The following BLOC1S1 variants were observed in gnomAD, a reference collection of about 807,000 sequenced individuals.
The protein encoded by BLOC1S1 is biogenesis of lysosome-related organelles complex 1 subunit 1.
BLOC1S1 carries 11 observed loss-of-function variants against 19.0 expected under a neutral mutation model. The observed-to-expected ratio is 0.58, with a 90% CI of 0.37 to 0.96. BLOC1S1 has a LOEUF of 0.96. Among genes scored for constraint, BLOC1S1 ranks in the 40% least tolerant of loss-of-function variants. The pLI is 0.01. For missense variants in BLOC1S1, 220 were observed against 195.9 expected (o/e 1.12, Z -0.73); for synonymous variants, 94 against 76.4 (o/e 1.23, Z -1.20).
intron 1 of BLOC1S1, chr12:55,716,530 G>A (rs927370648): frequency 2.4e-6 from 3 of 1,237,566 alleles, no homozygotes; most frequent in East Asian, 9.3e-5. Context: ...GGAGGGAGGA[G>A]GGTGTGGGGA....
chr12:55,719,611 C>T lies in BLOC1S1; in HGVS notation c.*2C>T, dbSNP rs754730904. The T allele has an allele frequency of 2.5e-6, 4 of 1,613,212 alleles. No homozygotes were observed. The highest frequency in any genetic ancestry group is 3.4e-6 in the Non-Finnish European group (4 of 1,179,430). On this transcript the variant is annotated 3_prime_UTR_variant, in exon 4 of 4. Transcript: ENST00000548925. ...CAGCTGCAGTCTGCCCCTTCCTAGC[C>T]CCTGTTCCCTCCCCCAACCCTATCC...
Position 55,716,064 on chromosome 12 carries a change from A to T in BLOC1S1, c.13A>T (p.Ser5Cys), listed in dbSNP as rs569048037. Residue 5 changes from serine to cysteine, a missense_variant, in exon 1 of 4, where the codon AGC becomes TGC. Physicochemically the swap from Ser to Cys is moderately radical, Grantham distance 112. Coordinates refer to ENST00000548925, the MANE Select transcript of BLOC1S1 (RefSeq NM_001487.4). ...GCGGTCACGTGACATGGCCCCGGGGAGCCGAGGTGAGCGTTCCAGCTTCCG... is the reference window on the plus strand; with the variant it reads ...GCGGTCACGTGACATGGCCCCGGGGTGCCGAGGTGAGCGTTCCAGCTTCCG... MAPG[S>C]RGERSSFRSR... 2 of 1,562,216 alleles carry T rather than the reference A, an allele frequency of 1.3e-6. No individual in the cohort carries two copies. Among genetic ancestry groups the T allele is most frequent in the Admixed American group, 3.8e-5 (2 of 51,990 alleles).
At chr12:55,717,097 G>A (rs1876617435) in intron 2 of BLOC1S1, 92 bp downstream of exon 2, 1 of 1,063,092 alleles carries the variant, frequency 9.4e-7, no homozygotes, top group Non-Finnish European at 1.3e-6. Context: ...GCTGTTGAAG[G>A]GGTGGGATGT....
In BLOC1S1 at chr12:55,719,675, A is replaced by G; in HGVS notation, c.*66A>G. ...CGCAGGGGGAAGGAGGGAGGCTGAC[A>G]AGCCTTGAATAAAACACAAGCCTCC... On this transcript the variant is annotated 3_prime_UTR_variant, in exon 4 of 4. Coordinates refer to ENST00000548925, the MANE Select transcript of BLOC1S1 (RefSeq NM_001487.4). The G allele has an allele frequency of 7.3e-7, 1 of 1,362,998 alleles. No homozygotes were observed. Among genetic ancestry groups the G allele is most frequent in the South Asian group, 1.2e-5 (1 of 84,646 alleles). The allele number at this position is 1,362,998 out of a possible 1,614,324, so 84.4% of individuals were successfully genotyped here.
chr12:55,718,518 T>TGTGTGTG (rs1565652869), intron 2 of BLOC1S1, among the ~76,000 whole-genome samples: 6 of 125,360 alleles, frequency 4.8e-5, no homozygotes, highest in African/African-American at 2.1e-4. Flanking sequence ...GTGTGTGTGT[T>TGTGTGTG]TGTGTGTGTT....
At chr12:55,716,450 C>A in intron 1 of BLOC1S1, 1 of 1,348,448 alleles carries the variant, frequency 7.4e-7, no homozygotes, top group Non-Finnish European at 9.5e-7. Flanking sequence ...TTAGCCCCGC[C>A]CCTGCCCCGG....
In BLOC1S1 at chr12:55,719,653, A is replaced by G. The variant is rs1488513997; in HGVS notation, c.*44A>G. 2 of 1,509,158 alleles carry G rather than the reference A, an allele frequency of 1.3e-6. No homozygotes were observed. Among genetic ancestry groups the G allele is most frequent in the Non-Finnish European group, 1.8e-6 (2 of 1,087,806 alleles). 93.5% of individuals were successfully genotyped at this position (1,509,158 alleles called of 1,614,324 possible). On this transcript the variant is annotated 3_prime_UTR_variant, in exon 4 of 4. Transcript: ENST00000548925. ...ACCCTATCCCTCCTACCTCACCCGC[A>G]GGGGGAAGGAGGGAGGCTGACAAGC... is the stretch of plus-strand genomic sequence containing the variant.
chr12:55,717,049 G>A (rs1352979407), intron 2 of BLOC1S1, 44 bp downstream of exon 2: 4 of 1,523,312 alleles, frequency 2.6e-6, no homozygotes, highest in Non-Finnish European at 3.5e-6. Context: ...TCCCCACCCC[G>A]CCCAAGTTTA....
chr12:55,716,664 G>C, intron 1 of BLOC1S1: 1 of 1,287,714 alleles, frequency 7.8e-7, no homozygotes, highest in East Asian at 3.6e-5. Flanking sequence ...TGGAGAAAGA[G>C]TGCCTGGGAG....
chr12:55,717,907 A>C (rs1381137282), intron 2 of BLOC1S1, among the ~76,000 whole-genome samples: 3 of 152,176 alleles, frequency 2.0e-5, no homozygotes, highest in Non-Finnish European at 2.9e-5. Context: ...AGTCTGTTTC[A>C]GTTCCTACCC....
intron 1 of BLOC1S1, chr12:55,716,493 G>T (rs1443768985): frequency 1.6e-6 from 2 of 1,275,280 alleles, no homozygotes; most frequent in African/African-American, 1.6e-5. Flanking sequence ...GGAGCCTCTC[G>T]TCCTGGCGGC....
Position 55,716,999 on chromosome 12 carries a change from A to G in BLOC1S1, c.212A>G (p.Asn71Ser), listed in dbSNP as rs369298104. ...CLTEALVDHL[N>S]VGVAQAYMNQ... ...ACAGAAGCTTTGGTGGATCACCTCAATGTGGGGTATGGACCTCTTATCAAC... is the reference window on the plus strand; with the variant it reads ...ACAGAAGCTTTGGTGGATCACCTCAGTGTGGGGTATGGACCTCTTATCAAC... The change falls in exon 2 of 4, where the codon AAT becomes AGT. Residue 71 changes from asparagine to serine, a missense_variant. By Grantham distance (46) the Asn-to-Ser change is conservative. Coordinates refer to ENST00000548925, the MANE Select transcript of BLOC1S1 (RefSeq NM_001487.4). 6.3e-6 allele frequency: 10 copies of G among 1,595,930 alleles called. No homozygotes were observed. The highest frequency in any genetic ancestry group is 1.8e-5 in the Admixed American group (1 of 56,842).
At chr12:55,718,196 CTGTCAGG>C (rs1876717942) in intron 2 of BLOC1S1, among the ~76,000 whole-genome samples, 1 of 152,242 alleles carries the variant, frequency 6.6e-6, no homozygotes, top group Admixed American at 6.5e-5. Flanking sequence ...ATCTTGGCCC[CTGTCAGG>C]TGTCCTGCCC....
At chr12:55,716,614 G>A (rs1027095221) in intron 1 of BLOC1S1, 3 of 1,229,438 alleles carry the variant, frequency 2.4e-6, no homozygotes, top group Non-Finnish European at 3.0e-6. Flanking sequence ...CCTGAGTCCG[G>A]GCTGGAAATC....
chr12:55,719,143 C>G lies in BLOC1S1; in HGVS notation c.271C>G (p.Leu91Val). 1 of 1,613,902 alleles carries G rather than the reference C, an allele frequency of 6.2e-7. No homozygotes were observed. Among genetic ancestry groups the G allele is most frequent in the Non-Finnish European group, 8.5e-7 (1 of 1,179,990 alleles). ...QRKLDHEVKT[L>V]QVQAAQFAKQ... ...AAAGCTGGACCATGAGGTGAAGACC[C>G]TACAGGTCCAGGCTGCCCAATTTGC... is the stretch of plus-strand genomic sequence containing the variant. Residue 91 changes from leucine (L) to valine (V), a missense_variant, in exon 3 of 4, where the codon CTA (leucine) becomes GTA (valine). By Grantham distance (32) the Leu-to-Val change is conservative. Transcript: ENST00000548925.
chr12:55,716,111 A>ACCCAGCC lies in BLOC1S1; in HGVS notation c.69_75dup (p.Asp26ProfsTer20), dbSNP rs755852989. The stretch of plus-strand genomic sequence containing the variant: ...TCCGGAGCCGGAGGGGGCCCGGCGT[A>ACCCAGCC]CCCAGCCCCCAGCCCGACGTGACCA... On this transcript the variant is annotated frameshift_variant, in exon 1 of 4. Transcript: ENST00000548925. LOFTEE classifies it high-confidence loss of function. The ACCCAGCC allele has an allele frequency of 3.7e-6, 6 of 1,605,788 alleles. 1 individual carries two copies. The highest frequency in any genetic ancestry group is 3.3e-5 in the South Asian group (3 of 89,926).
rs763151517 is a variant in BLOC1S1 at position 55,716,913 on chromosome 12, C to T, written c.146-20C>T. On this transcript the variant is annotated intron_variant, in intron 1 of 3. Transcript: ENST00000548925. ...AAAAAACCAAGTCTCCCCTCCAATT[C>T]CTTTTCCCCCTCTCCCCAGAAAAGA... The T allele has an allele frequency of 3.8e-6, 6 of 1,578,022 alleles. 1 individual carries two copies. The South Asian group carries it at 5.9e-5, about 15-fold the overall frequency.
intron 1 of BLOC1S1, chr12:55,716,465 C>T (rs1039947595): frequency 1.5e-6 from 2 of 1,326,814 alleles, no homozygotes; most frequent in African/African-American, 1.5e-5. Flanking sequence ...CCCCGGAGCG[C>T]CCTGCCTATT....
chr12:55,716,143 C>G lies in BLOC1S1; in HGVS notation c.92C>G (p.Ser31Cys). 6.2e-7 allele frequency: 1 copy of G among 1,612,046 alleles called. No individual in the cohort carries two copies. Among genetic ancestry groups the G allele is most frequent in the Non-Finnish European group, 8.5e-7 (1 of 1,179,084 alleles). ...PSPQPDVTMLSRLLKEHQAKQ... is the reference protein window; with the variant it reads ...PSPQPDVTMLCRLLKEHQAKQ... ...CCCCAGCCCGACGTGACCATGCTGTCCCGCCTCCTAAAAGAACACCAGGCC... is the reference window on the plus strand; with the variant it reads ...CCCCAGCCCGACGTGACCATGCTGTGCCGCCTCCTAAAAGAACACCAGGCC... The change falls in exon 1 of 4, where the codon TCC (serine) becomes TGC (cysteine). Residue 31 changes from serine to cysteine, a missense_variant. Physicochemically the swap from Ser to Cys is moderately radical, Grantham distance 112. Coordinates refer to ENST00000548925, the MANE Select transcript of BLOC1S1 (RefSeq NM_001487.4).
Sources: allele counts gnomAD v4.1 joint callset (sites outside exome capture counted in the v4.1 genomes callset), GRCh38; gene constraint gnomAD v4.1.1; transcripts MANE v1.5; gene names NCBI Gene and HGNC (gene_info 2026-07-23, HGNC 2026-07-21).